IARS2: variants seen among roughly 807,000 people sequenced by gnomAD.
IARS2 encodes isoleucine--tRNA ligase, mitochondrial.
A neutral mutation model predicts 126.3 loss-of-function variants in IARS2; 56 were observed. That is an observed-to-expected ratio of 0.44 (90% CI 0.36 to 0.55). The LOEUF is 0.55. IARS2 is among the 20% of genes least tolerant of loss of function. The probability of loss-of-function intolerance (pLI) is 0.00; values close to 1 mark genes in which losing one functional copy is unlikely to be tolerated. For missense variants in IARS2, 1,127 were observed against 1,245.9 expected (o/e 0.90, Z 1.44); for synonymous variants, 407 against 441.1 (o/e 0.92, Z 0.97).
chr1:220,104,261 G>A (rs1469578867), intron 8 of IARS2, among the ~76,000 whole-genome samples: 3 of 152,254 alleles, frequency 2.0e-5, no homozygotes, highest in Non-Finnish European at 4.4e-5. Flanking sequence ...AAAGGCGTAA[G>A]CCACTGTGCC....
Position 220,147,782 on chromosome 1 carries a change from T to C in IARS2, c.*147T>C, listed in dbSNP as rs1657635808. ...AGGATGGGAGTCAAAATCAGAATTA[T>C]AGAAGAAGTATTTCCTGTAACTATA... On this transcript the variant is annotated 3_prime_UTR_variant, in exon 23 of 23. Transcript: ENST00000366922. The C allele has an allele frequency of 1.2e-5, 8 of 688,490 alleles. No individual in the cohort carries two copies. Among genetic ancestry groups the C allele is most frequent in the Non-Finnish European group, 1.9e-5 (8 of 412,838 alleles). 42.6% of individuals were successfully genotyped at this position (688,490 alleles called of 1,614,324 possible). A position where few individuals can be genotyped will look rare whatever the true frequency, so the allele number is the denominator to read the frequency against.
intron 9 of IARS2, 109 bp from the exon 10 acceptor site, chr1:220,106,952 A>G: frequency 1.3e-6 from 1 of 788,472 alleles, no homozygotes; most frequent in East Asian, 2.6e-5. Flanking sequence ...ATTTCAATGT[A>G]GAAAAAGACC....
At chr1:220,106,927 G>A (rs959817829) in intron 9 of IARS2, 134 bp from the exon 10 acceptor site, 38 of 662,614 alleles carry the variant, frequency 5.7e-5, no homozygotes, top group African/African-American at 3.3e-4. Flanking sequence ...TGCCGCGCCC[G>A]GCCAAGTACC....
chr1:220,126,641 TG>T (rs367632859), intron 13 of IARS2, 108 bp from the exon 14 acceptor site: 12 of 772,928 alleles, frequency 1.6e-5, no homozygotes, highest in African/African-American at 7.2e-5. Flanking sequence ...CATCTAAAAA[TG>T]TGAACTTCAT....
At chr1:220,100,833 GT>G (rs1290153363) in intron 3 of IARS2, among the ~76,000 whole-genome samples, 184 bp downstream of exon 3, 1 of 152,162 alleles carries the variant, frequency 6.6e-6, no homozygotes, top group Non-Finnish European at 1.5e-5. Flanking sequence ...AAGAACTTAT[GT>G]TTGGATATTG....
At chr1:220,122,780 C>T (rs189077852) in intron 12 of IARS2, among the ~76,000 whole-genome samples, 7 of 152,132 alleles carry the variant, frequency 4.6e-5, no homozygotes, top group South Asian at 2.1e-4. Flanking sequence ...ACTCTTTATC[C>T]TAACATTTCT....
intron 15 of IARS2, 107 bp downstream of exon 15, chr1:220,134,617 T>A: frequency 1.8e-6 from 1 of 558,032 alleles, no homozygotes; most frequent in Non-Finnish European, 3.0e-6. Flanking sequence ...GCTTACAGTG[T>A]CCTGTAAGAA....
intron 19 of IARS2, among the ~76,000 whole-genome samples, chr1:220,141,495 G>C (rs1011844635): frequency 1.3e-5 from 2 of 152,206 alleles, no homozygotes; most frequent in African/African-American, 4.8e-5. Context: ...TAACATTGGA[G>C]TGGGTGGGAG....
chr1:220,135,463 C>T (rs1167823182), intron 15 of IARS2, among the ~76,000 whole-genome samples: 1 of 151,886 alleles, frequency 6.6e-6, no homozygotes, highest in Non-Finnish European at 1.5e-5. Context: ...CGGGTTCAAG[C>T]GATTCTCCTG....
intron 17 of IARS2, among the ~76,000 whole-genome samples, chr1:220,138,650 T>C (rs1199617745): frequency 1.3e-5 from 2 of 151,950 alleles, no homozygotes; most frequent in Non-Finnish European, 2.9e-5. Flanking sequence ...ACCTTTCACA[T>C]TTTTCCATGT....
intron 3 of IARS2, among the ~76,000 whole-genome samples, chr1:220,100,875 C>T (rs1056598829): frequency 4.6e-4 from 70 of 152,284 alleles, no homozygotes; most frequent in African/African-American, 1.6e-3. Flanking sequence ...TTTCTGATTG[C>T]ATTCTCAGTT....
Position 220,142,989 on chromosome 1 carries a change from T to C in IARS2, c.2606T>C (p.Ile869Thr), listed in dbSNP as rs781461894. 6.8e-6 allele frequency: 11 copies of C among 1,614,008 alleles called. No homozygotes were observed. In the South Asian group the frequency reaches 1.1e-4, roughly 16 times the overall value. The change falls in exon 21 of 23, where the codon ATC becomes ACC. Residue 869 changes from isoleucine (I) to threonine (T), a missense_variant. By Grantham distance (89) the Ile-to-Thr change is moderately conservative. Transcript: ENST00000366922. ...FRTGWISTSS[I>T]WKKPGLEEAV... ...ACTGGGTGGATTAGTACTAGTTCTA[T>C]CTGGAAAAAGCCCGGGTTGGAAGAA...
chr1:220,114,604 G>A, intron 12 of IARS2, 130 bp downstream of exon 12: 1 of 647,626 alleles, frequency 1.5e-6, no homozygotes, highest in East Asian at 2.9e-5. Flanking sequence ...AGTCTTTTGG[G>A]GGACTAAAAT....
Position 220,145,523 on chromosome 1 carries a change from A to G in IARS2, c.2766A>G (p.Glu922=), listed in dbSNP as rs1477016700. 8 of 1,611,552 alleles carry G rather than the reference A, an allele frequency of 5.0e-6. No homozygotes were observed. The highest frequency in any genetic ancestry group is 6.8e-6 in the Non-Finnish European group (8 of 1,178,590). Residue 922 remains glutamate (E), a synonymous_variant, in exon 22 of 23, where the codon GAA becomes GAG. Coordinates refer to ENST00000366922, the MANE Select transcript of IARS2 (RefSeq NM_018060.4). The part of the protein sequence containing the change: ...LFEIIEMLQS[E]ETSSTSQLNE... ...CTTCCTTCCAGATGCTGCAGTCTGA[A>G]GAGACTTCCAGCACCTCTCAGTTGA... is the stretch of plus-strand genomic sequence containing the variant.
At chr1:220,099,308 TGAAAA>T (rs1015236634) in intron 2 of IARS2, among the ~76,000 whole-genome samples, 1 of 151,194 alleles carries the variant, frequency 6.6e-6, no homozygotes, top group African/African-American at 2.4e-5. Context: ...CAGAAAATAA[TGAAAA>T]GAAACAAGTG....
At chr1:220,144,169 A>G in intron 21 of IARS2, 1 of 796,166 alleles carries the variant, frequency 1.3e-6, no homozygotes, top group Non-Finnish European at 2.2e-6. Flanking sequence ...GTTCACAACA[A>G]TTTTCCCAGC....
intron 16 of IARS2, among the ~76,000 whole-genome samples, 177 bp downstream of exon 16, chr1:220,137,088 C>G (rs529087593): frequency 1.3e-5 from 2 of 152,282 alleles, no homozygotes; most frequent in South Asian, 4.1e-4. Context: ...TAACTTATTT[C>G]AGGCCTGACT....
chr1:220,116,466 A>G (rs1030514876), intron 12 of IARS2, among the ~76,000 whole-genome samples: 3 of 152,020 alleles, frequency 2.0e-5, no homozygotes, highest in Non-Finnish European at 4.4e-5. Context: ...AATTTTTTTT[A>G]ATTTGGTGAA....
intron 2 of IARS2, among the ~76,000 whole-genome samples, chr1:220,099,696 T>C (rs1446383954): frequency 6.6e-6 from 1 of 152,152 alleles, no homozygotes; most frequent in Non-Finnish European, 1.5e-5. Flanking sequence ...AAGTAAACAA[T>C]TTCCAAAGAG....
Sources: allele counts gnomAD v4.1 joint callset (sites outside exome capture counted in the v4.1 genomes callset), GRCh38; gene constraint gnomAD v4.1.1; transcripts MANE v1.5; gene names NCBI Gene and HGNC (gene_info 2026-07-23, HGNC 2026-07-21).